The following TMEM218 variants were observed in gnomAD, a reference collection of about 807,000 sequenced individuals.
The protein encoded by TMEM218 is transmembrane protein 218.
Under a neutral mutation model 10.0 loss-of-function variants are expected in TMEM218, and 8 were observed. The observed-to-expected ratio is 0.80, with a 90% CI of 0.47 to 1.44. The LOEUF is 1.44. TMEM218 is among the 40% of genes most tolerant of loss of function. The pLI, the probability that TMEM218 is intolerant of heterozygous loss-of-function variation, is 0.00. For missense variants in TMEM218, 110 were observed against 140.1 expected, an observed-to-expected ratio of 0.79 and a Z score of 1.08; for synonymous variants, 66 against 63.5, an observed-to-expected ratio of 1.04 and a Z score of -0.18.
At position 125,101,567 on chromosome 11, in the gene TMEM218, T is replaced by C. The variant is rs1396264920; in HGVS notation, c.111-264A>G. 1.2e-5 allele frequency: 17 copies of C among 1,360,560 alleles called. No individual in the cohort carries two copies. In the East Asian group the frequency reaches 2.5e-4, roughly 20 times the overall value. The allele number at this position is 1,360,560 out of a possible 1,614,324, so 84.3% of individuals were successfully genotyped here. On this transcript the variant is annotated intron_variant, in intron 3 of 4. Transcript: ENST00000682305. ...TTTTTATTTTTACTTCTGCCCAAAG[T>C]CATAATCAAGAAAAACCAAAGCATC...
In TMEM218 at chr11:125,094,768, T is replaced by C. The variant is rs1477591505; in HGVS notation, c.*2838A>G. Among the ~76,000 whole-genome samples the C allele has an allele frequency of 1.3e-5, 2 of 152,222 alleles. No homozygotes were observed. The highest frequency in any genetic ancestry group is 4.8e-5 in the African/African-American group (2 of 41,450). On this transcript the variant is annotated 3_prime_UTR_variant, in exon 5 of 5. Transcript: ENST00000682305. ...ACAGAACAAAAAATGGATTGCTTTA[T>C]GTTAGAATAAAAACATTTAAAAATA...
chr11:125,101,673 G>T, intron 3 of TMEM218: 1 of 584,456 alleles, frequency 1.7e-6, no homozygotes, highest in Non-Finnish European at 2.9e-6. Flanking sequence ...TACTAACACT[G>T]TCTTGCCAGA....
chr11:125,094,925 A>C lies in TMEM218; in HGVS notation c.*2681T>G, dbSNP rs1949442687. Among the ~76,000 whole-genome samples the C allele has an allele frequency of 6.6e-6, 1 of 152,230 alleles. No homozygotes were observed. Among genetic ancestry groups the C allele is most frequent in the Non-Finnish European group, 1.5e-5 (1 of 68,032 alleles). ...CGGGCACACAATATATGCTGAATGA[A>C]TGGCAGGATTCGAGAATGAATGGCT... On this transcript the variant is annotated 3_prime_UTR_variant, in exon 5 of 5. Coordinates refer to ENST00000682305, the MANE Select transcript of TMEM218 (RefSeq NM_001258244.2).
chr11:125,107,979 A>G (rs1405311821), intron 1 of TMEM218, among the ~76,000 whole-genome samples: 2 of 152,076 alleles, frequency 1.3e-5, no homozygotes, highest in East Asian at 3.8e-4. Context: ...GGATGGTTCA[A>G]TTAAAAAAAT....
chr11:125,109,013 A>G (rs1952984515), intron 1 of TMEM218, among the ~76,000 whole-genome samples: 1 of 152,222 alleles, frequency 6.6e-6, no homozygotes, highest in Admixed American at 6.5e-5. Flanking sequence ...TTCTAGACAC[A>G]GTCTTGCATA....
chr11:125,101,127 G>T, intron 4 of TMEM218, 74 bp downstream of exon 4: 2 of 1,248,076 alleles, frequency 1.6e-6, no homozygotes, highest in South Asian at 1.3e-5. Context: ...GGAACATCAA[G>T]GGCAGGACGG....
At chr11:125,097,942 A>G (rs1304531711) in intron 4 of TMEM218, among the ~76,000 whole-genome samples, 1 of 152,192 alleles carries the variant, frequency 6.6e-6, no homozygotes, top group Non-Finnish European at 1.5e-5. Context: ...GGGATTAATG[A>G]GGGACAGGGA....
Position 125,102,296 on chromosome 11 carries a change from C to T in TMEM218, c.-55G>A. The T allele has an allele frequency of 6.3e-7, 1 of 1,587,626 alleles. No homozygotes were observed. Among genetic ancestry groups the T allele is most frequent in the Non-Finnish European group, 8.6e-7 (1 of 1,168,402 alleles). On this transcript the variant is annotated 5_prime_UTR_variant, in exon 3 of 5. Transcript: ENST00000682305. ...CCTGCGCGCCGCACGATCGAGTGTC[C>T]TCTGTGCTCCAGTGCAACACACTCC...
At position 125,108,867 on chromosome 11, in the gene TMEM218, A is replaced by G. The variant is rs1381965688; in HGVS notation, c.-153+2672T>C. Among the ~76,000 whole-genome samples, 2 of 152,230 alleles carry G rather than the reference A, an allele frequency of 1.3e-5. No individual in the cohort carries two copies. Among genetic ancestry groups the G allele is most frequent in the Admixed American group, 1.3e-4 (2 of 15,284 alleles). On this transcript the variant is annotated intron_variant, in intron 1 of 4. Coordinates refer to ENST00000682305, the MANE Select transcript of TMEM218 (RefSeq NM_001258244.2). The surrounding 1 kb of genome is among the most constrained non-coding windows in gnomAD (Gnocchi z 5.3). ...CTTCGTTGTGAGGACTGTCCCATAC[A>G]TTACAGAACATCCAGTATCCGCAGT...
intron 1 of TMEM218, among the ~76,000 whole-genome samples, chr11:125,106,123 A>G (rs1952080825): frequency 1.3e-5 from 2 of 152,148 alleles, no homozygotes; most frequent in Non-Finnish European, 2.9e-5. Context: ...GCAAGATGAA[A>G]GCATCTTGGA....
In TMEM218 at chr11:125,096,085, G is replaced by A. The variant is rs992072371; in HGVS notation, c.*1521C>T. Among the ~76,000 whole-genome samples, 31 of 152,204 alleles carry A rather than the reference G, an allele frequency of 2.0e-4. No individual in the cohort carries two copies. The highest frequency in any genetic ancestry group is 3.4e-3 in the Middle Eastern group (1 of 294). On this transcript the variant is annotated 3_prime_UTR_variant, in exon 5 of 5. Transcript: ENST00000682305. Reference sequence around the variant, plus strand: ...CTTCTTTTCTTACCTGTGTGCCCTAGGCCAGATTAGGAAACTATTTCCTTT... The same window carrying A: ...CTTCTTTTCTTACCTGTGTGCCCTAAGCCAGATTAGGAAACTATTTCCTTT...
At position 125,094,416 on chromosome 11, in the gene TMEM218, T is replaced by C. The variant is rs1420807933; in HGVS notation, c.*3190A>G. 1.3e-5 allele frequency among the ~76,000 whole-genome samples: 2 copies of C among 152,232 alleles called. No individual in the cohort carries two copies. The highest frequency in any genetic ancestry group is 4.8e-5 in the African/African-American group (2 of 41,466). ...ATCATTAGAATCCTTTAATGAAACT[T>C]TTACCTTTTTGGATATGTGTTAAGA... On this transcript the variant is annotated 3_prime_UTR_variant, in exon 5 of 5. Transcript: ENST00000682305.
intron 1 of TMEM218, among the ~76,000 whole-genome samples, chr11:125,107,855 A>T (rs953363358): frequency 1.3e-5 from 2 of 150,456 alleles, no homozygotes; most frequent in African/African-American, 4.9e-5. Flanking sequence ...TAAGATTTGT[A>T]TAGCTAAAAT....
At chr11:125,101,535 T>C in intron 3 of TMEM218, 4 of 1,484,998 alleles carry the variant, frequency 2.7e-6, no homozygotes, top group Non-Finnish European at 3.6e-6. Context: ...AGAATGGAAA[T>C]GTGTAGTTTT....
At position 125,097,232 on chromosome 11, in the gene TMEM218, A is replaced by G. The variant is rs1032382859; in HGVS notation, c.*374T>C. The G allele has an allele frequency of 6.3e-6, 1 of 157,976 alleles. No individual in the cohort carries two copies. The highest frequency in any genetic ancestry group is 1.4e-5 in the Non-Finnish European group (1 of 72,098). 9.8% of individuals were successfully genotyped at this position (157,976 alleles called of 1,614,324 possible). On this transcript the variant is annotated 3_prime_UTR_variant, in exon 5 of 5. Coordinates refer to ENST00000682305, the MANE Select transcript of TMEM218 (RefSeq NM_001258244.2). Reference sequence around the variant, plus strand: ...GCAACCTCATAATGAATAATTTTATATATTATCAAAAAGAACCAGAAGCCC... The same window carrying G: ...GCAACCTCATAATGAATAATTTTATGTATTATCAAAAAGAACCAGAAGCCC...
intron 1 of TMEM218, among the ~76,000 whole-genome samples, chr11:125,109,286 T>C (rs1262699781): frequency 1.3e-5 from 2 of 152,182 alleles, no homozygotes. Context: ...AACAGTAATA[T>C]ATATTGTTTC....
At chr11:125,103,642 A>G (rs1260721787) in intron 1 of TMEM218, 1 of 152,222 alleles carries the variant, frequency 6.6e-6, no homozygotes, top group East Asian at 1.9e-4. Context: ...TTAAATCTGC[A>G]AAGACCCTTT....
At chr11:125,101,717 G>A (rs1010706294) in intron 3 of TMEM218, 1 of 534,042 alleles carries the variant, frequency 1.9e-6, no homozygotes, top group African/African-American at 1.9e-5. Flanking sequence ...TCGGTTTATG[G>A]CCTAACCCTG....
chr11:125,102,267 C>A lies in TMEM218; in HGVS notation c.-26G>T. 6.2e-7 allele frequency: 1 copy of A among 1,607,890 alleles called. No homozygotes were observed. The highest frequency in any genetic ancestry group is 8.5e-7 in the Non-Finnish European group (1 of 1,177,736). ...CCCGCGGGGAGGCAGCGGCGGCCCC[C>A]CGCCCTGCGCGCCGCACGATCGAGT... On this transcript the variant is annotated 5_prime_UTR_variant, in exon 3 of 5. Transcript: ENST00000682305.
Sources: allele counts gnomAD v4.1 joint callset (sites outside exome capture counted in the v4.1 genomes callset), GRCh38; gene constraint gnomAD v4.1.1; non-coding constraint Gnocchi (gnomAD v3.1); transcripts MANE v1.5; gene names NCBI Gene and HGNC (gene_info 2026-07-23, HGNC 2026-07-21).